The following GPC4 variants were observed in gnomAD, a reference collection of about 807,000 sequenced individuals.
GPC4 encodes the protein glypican 4.
In GPC4, 10 loss-of-function variants were observed where a neutral mutation model predicts 35.0. That is an observed-to-expected ratio of 0.29 (90% confidence interval 0.18 to 0.48). GPC4 has a LOEUF of 0.48. GPC4 is among the 20% of genes least tolerant of loss of function. GPC4 has a pLI of 0.99. For missense variants in GPC4, 322 were observed against 451.3 expected (o/e 0.71, Z 2.60); for synonymous variants, 167 against 170.2 (o/e 0.98, Z 0.15).
At position 133,302,957 on chromosome X, in the gene GPC4, G is replaced by A. The variant is rs1186466157; in HGVS notation, c.1581C>T (p.Ala527=). The A allele has an allele frequency of 5.0e-6, 6 of 1,209,561 alleles. No homozygotes were observed. The African/African-American group carries it at 5.3e-5, about 11-fold the overall frequency. Reference sequence around the variant, plus strand: ...CCCCAGGACGGACACCAGCACTGTCGGCTTTCTCATTGGCACTCTTCCCAG... The same window carrying A: ...CCCCAGGACGGACACCAGCACTGTCAGCTTTCTCATTGGCACTCTTCCCAG... ...DHAGKSANEK[A]DSAGVRPGAQ... The change falls in exon 9 of 9, where the codon GCC becomes GCT. Residue 527 remains alanine (A), a synonymous_variant. Coordinates refer to ENST00000370828, the MANE Select transcript of GPC4 (RefSeq NM_001448.3).
intron 1 of GPC4, among the ~76,000 whole-genome samples, chrX:133,357,652 T>C (rs1466243984): frequency 9.1e-6 from 1 of 110,465 alleles, no homozygotes; most frequent in African/African-American, 3.3e-5. Flanking sequence ...GCTGGGATGA[T>C]AGGCCCACGT....
chrX:133,301,480 C>T lies in GPC4; in HGVS notation c.*1387G>A, dbSNP rs2068266761. On this transcript the variant is annotated 3_prime_UTR_variant, in exon 9 of 9. Coordinates refer to ENST00000370828, the MANE Select transcript of GPC4 (RefSeq NM_001448.3). The stretch of plus-strand genomic sequence containing the variant: ...CTTTGGCCTGGGACAACAGATATGG[C>T]CATGGCCTTTGCCACTTCACCCACG... 1 of 112,770 alleles carries T rather than the reference C, an allele frequency of 8.9e-6. No individual in the cohort carries two copies. Among genetic ancestry groups the T allele is most frequent in the East Asian group, 2.8e-4 (1 of 3,591 alleles). 9.3% of individuals were successfully genotyped at this position (112,770 alleles called of 1,213,427 possible).
At chrX:133,407,586 T>C (rs774518950) in intron 1 of GPC4, among the ~76,000 whole-genome samples, 70 of 111,988 alleles carry the variant, frequency 6.3e-4, no homozygotes, top group Middle Eastern at 4.6e-3. Flanking sequence ...AGAAGCCATA[T>C]TGCTTCTCCC....
At chrX:133,344,760 CAG>C (rs1188066364) in intron 1 of GPC4, among the ~76,000 whole-genome samples, 1 of 111,913 alleles carries the variant, frequency 8.9e-6, no homozygotes, top group Non-Finnish European at 1.9e-5. Context: ...ATGGAGAAAA[CAG>C]AGCCAGAAAA....
At chrX:133,348,569 C>A (rs1221009609) in intron 1 of GPC4, among the ~76,000 whole-genome samples, 2 of 112,329 alleles carry the variant, frequency 1.8e-5, no homozygotes, top group Non-Finnish European at 3.8e-5. Context: ...CAAAGGAGAT[C>A]TTTTCTGTCA....
At chrX:133,346,204 A>G (rs949214002) in intron 1 of GPC4, among the ~76,000 whole-genome samples, 5 of 111,594 alleles carry the variant, frequency 4.5e-5, no homozygotes, top group Non-Finnish European at 1.9e-5. Context: ...GGGGCGGGGC[A>G]TGGTGTTGCA....
chrX:133,392,771 C>T (rs1354777098), intron 1 of GPC4, among the ~76,000 whole-genome samples: 1 of 110,936 alleles, frequency 9.0e-6, no homozygotes, highest in Non-Finnish European at 1.9e-5. Context: ...TATAGCCCTC[C>T]TCCTTTACCC....
chrX:133,382,157 G>A (rs769465183), intron 1 of GPC4, among the ~76,000 whole-genome samples: 18 of 111,881 alleles, frequency 1.6e-4, no homozygotes, highest in South Asian at 3.8e-4. Context: ...GGTCGGGTGC[G>A]GTGGCTCATG....
intron 2 of GPC4, among the ~76,000 whole-genome samples, chrX:133,331,060 G>T: frequency 8.9e-6 from 1 of 111,869 alleles, no homozygotes; most frequent in African/African-American, 3.2e-5. Flanking sequence ...AGAGTACTAG[G>T]GGATTCTGCC....
At chrX:133,344,760 C>A (rs1385891037) in intron 1 of GPC4, among the ~76,000 whole-genome samples, 1 of 111,913 alleles carries the variant, frequency 8.9e-6, no homozygotes, top group East Asian at 2.8e-4. Context: ...ATGGAGAAAA[C>A]AGAGCCAGAA....
Position 133,306,142 on chromosome X carries a change from A to C in GPC4, c.890T>G (p.Met297Arg). 8.3e-7 allele frequency: 1 copy of C among 1,211,515 alleles called. No individual in the cohort carries two copies. ...EWNNFIDAML[M>R]VAERLEGPFN... ...AGGACCCTCTAGCCTCTCTGCCACC[A>C]TCAGCATAGCATCTAATATGAGGTT... The change falls in exon 5 of 9, where the codon ATG (methionine) becomes AGG (arginine). Residue 297 changes from methionine to arginine, a missense_variant. Around this residue, in one of 3 missense-constraint regions of GPC4, gnomAD observed 163 missense variants for 277.2 expected, o/e 0.59. Coordinates refer to ENST00000370828, the MANE Select transcript of GPC4 (RefSeq NM_001448.3).
At chrX:133,337,205 C>T (rs2068447986) in intron 2 of GPC4, among the ~76,000 whole-genome samples, 1 of 112,306 alleles carries the variant, frequency 8.9e-6, no homozygotes, top group African/African-American at 3.2e-5. Context: ...ACAGTGTTAA[C>T]ATATTTATTG....
Position 133,398,522 on chromosome X carries a change from T to C in GPC4, c.160+16284A>G. 1.8e-5 allele frequency among the ~76,000 whole-genome samples: 2 copies of C among 111,600 alleles called. 1 individual carries two copies. The highest frequency in any genetic ancestry group is 8.4e-3 in the Middle Eastern group (2 of 237). ...GTGGCTCACGCCTGTAATCCCAGCA[T>C]TTTGGGAGGTTGAAGCGGGTGAGTT... On this transcript the variant is annotated intron_variant, in intron 1 of 8. Transcript: ENST00000370828.
chrX:133,303,903 GAGGAAGGA>G (rs59442838), intron 7 of GPC4, among the ~76,000 whole-genome samples: 323 of 75,408 alleles, frequency 4.3e-3, no homozygotes, highest in African/African-American at 0.012. Flanking sequence ...TACTCTGTTG[GAGGAAGGA>G]AGGAAGGAAG....
At chrX:133,310,995 A>C (rs1472564247) in intron 4 of GPC4, among the ~76,000 whole-genome samples, 1 of 111,495 alleles carries the variant, frequency 9.0e-6, no homozygotes, top group Non-Finnish European at 1.9e-5. Context: ...CTCTGTCTCC[A>C]AGAAAAAGGC....
intron 1 of GPC4, among the ~76,000 whole-genome samples, chrX:133,397,346 G>A (rs1351455917): frequency 1.8e-5 from 2 of 111,648 alleles, no homozygotes; most frequent in Non-Finnish European, 3.8e-5. Context: ...GATCACTTGC[G>A]CTGGGAGTTC....
At chrX:133,320,817 G>C (rs1223959160) in intron 3 of GPC4, among the ~76,000 whole-genome samples, 1 of 109,154 alleles carries the variant, frequency 9.2e-6, no homozygotes, top group African/African-American at 3.3e-5. Flanking sequence ...AGACCAGCCT[G>C]AGCAACACAG....
At chrX:133,338,535 T>A (rs913873547) in intron 2 of GPC4, among the ~76,000 whole-genome samples, 1 of 111,805 alleles carries the variant, frequency 8.9e-6, no homozygotes, top group African/African-American at 3.3e-5. Context: ...ATTTCTTCAA[T>A]ATTAAGAGAA....
At chrX:133,333,409 G>A (rs1395467396) in intron 2 of GPC4, among the ~76,000 whole-genome samples, 2 of 112,726 alleles carry the variant, frequency 1.8e-5, no homozygotes, top group African/African-American at 6.4e-5. Context: ...TTTTCAATCC[G>A]ATGAGATAGC....
Sources: allele counts gnomAD v4.1 joint callset (sites outside exome capture counted in the v4.1 genomes callset), GRCh38; gene constraint gnomAD v4.1.1; regional missense constraint gnomAD v4.1.1; transcripts MANE v1.5; gene names NCBI Gene and HGNC (gene_info 2026-07-23, HGNC 2026-07-21).